FAM120A: variants seen among roughly 807,000 people sequenced by gnomAD.
The protein encoded by FAM120A is constitutive coactivator of PPAR-gamma-like protein 1.
Under a neutral mutation model 109.7 loss-of-function variants are expected in FAM120A, and 15 were observed. The ratio of observed to expected loss-of-function variants is 0.14; its 90% confidence interval spans 0.09 to 0.21. FAM120A has a LOEUF of 0.21. Ranked by LOEUF, FAM120A falls within the 10% of genes least tolerant of loss-of-function variation. The probability of loss-of-function intolerance (pLI) is 1.00; values close to 1 mark genes in which losing one functional copy is unlikely to be tolerated. For synonymous variants in FAM120A, 493 were observed against 572.8 expected (o/e 0.86, Z 1.99); for missense variants, 899 against 1,439.3 (o/e 0.62, Z 6.07).
At chr9:93,556,921 A>G (rs1361170735) in intron 13 of FAM120A, among the ~76,000 whole-genome samples, 1 of 152,202 alleles carries the variant, frequency 6.6e-6, no homozygotes, top group Admixed American at 6.5e-5. Flanking sequence ...ACCAATCAGT[A>G]TATAATCTTA....
At chr9:93,499,224 A>G (rs1859698195) in intron 5 of FAM120A, among the ~76,000 whole-genome samples, 1 of 151,750 alleles carries the variant, frequency 6.6e-6, no homozygotes, top group Non-Finnish European at 1.5e-5. Context: ...CACAACTGCA[A>G]GTGATTTCAT....
At chr9:93,471,015 T>G in intron 1 of FAM120A, 126 bp from the exon 2 acceptor site, 1 of 1,140,200 alleles carries the variant, frequency 8.8e-7, no homozygotes, top group Non-Finnish European at 1.3e-6. Context: ...TTTTTTTGAC[T>G]GTTTGGCTTT....
rs1213898725 is a variant in FAM120A at position 93,452,453 on chromosome 9, A to G, written c.474+64A>G. The stretch of plus-strand genomic sequence containing the variant: ...GCGCCGCACCCCTATCCCCCTTCCC[A>G]GGGCGCAGAATGTCGCCCGGCCGTG... On this transcript the variant is annotated intron_variant, in intron 1 of 17. Coordinates refer to ENST00000277165, the MANE Select transcript of FAM120A (RefSeq NM_014612.5). This position sits in a 1 kb window ranked among gnomAD's most constrained non-coding sequence, Gnocchi z 7.0. The G allele has an allele frequency of 4.5e-6, 7 of 1,554,038 alleles. No homozygotes were observed. Among genetic ancestry groups the G allele is most frequent in the Non-Finnish European group, 6.1e-6 (7 of 1,152,412 alleles).
chr9:93,552,126 C>T (rs1862123376), intron 12 of FAM120A, among the ~76,000 whole-genome samples: 1 of 152,202 alleles, frequency 6.6e-6, no homozygotes, highest in South Asian at 2.1e-4. Flanking sequence ...TCAGTATTGA[C>T]ATCCCAGTTC....
intron 5 of FAM120A, among the ~76,000 whole-genome samples, chr9:93,511,783 A>G (rs1860333543): frequency 6.6e-6 from 1 of 152,132 alleles, no homozygotes; most frequent in Non-Finnish European, 1.5e-5. Context: ...AAATCATACA[A>G]TGTCTGCCTG....
At position 93,498,730 on chromosome 9, in the gene FAM120A, T is replaced by C; in HGVS notation, c.934-60T>C. The C allele has an allele frequency of 2.1e-6, 2 of 940,902 alleles. No individual in the cohort carries two copies. The highest frequency in any genetic ancestry group is 3.5e-6 in the Non-Finnish European group (2 of 570,864). The allele number at this position is 940,902 out of a possible 1,614,324, so 58.3% of individuals were successfully genotyped here. On this transcript the variant is annotated intron_variant, in intron 4 of 17. Coordinates refer to ENST00000277165, the MANE Select transcript of FAM120A (RefSeq NM_014612.5). The surrounding 1 kb of genome is among the most constrained non-coding windows in gnomAD (Gnocchi z 4.4). ...TACATGTGCTGAATTATAAAAAACA[T>C]TGTGATACACATGACCAGTGGCACA...
At chr9:93,503,185 G>A (rs1440581344) in intron 5 of FAM120A, among the ~76,000 whole-genome samples, 2 of 152,196 alleles carry the variant, frequency 1.3e-5, no homozygotes, top group African/African-American at 4.8e-5. Context: ...AGCGACTTTG[G>A]AAGACAGCTT....
At chr9:93,544,874 C>T (rs1245795277) in intron 11 of FAM120A, among the ~76,000 whole-genome samples, 2 of 152,158 alleles carry the variant, frequency 1.3e-5, no homozygotes, top group African/African-American at 4.8e-5. Context: ...ACTGTGGCTT[C>T]TCCGTGTGGT....
chr9:93,471,461 C>T (rs1858310718), intron 2 of FAM120A, 74 bp downstream of exon 2: 1 of 1,562,426 alleles, frequency 6.4e-7, no homozygotes, highest in Non-Finnish European at 8.7e-7. Context: ...TTAAGTGTTT[C>T]TGTGCTTGAA....
At chr9:93,529,747 A>C in intron 9 of FAM120A, 167 bp downstream of exon 9, 1 of 672,998 alleles carries the variant, frequency 1.5e-6, no homozygotes, top group South Asian at 1.7e-5. Context: ...ATGAACATTT[A>C]TAACTGTAAA....
intron 1 of FAM120A, among the ~76,000 whole-genome samples, chr9:93,455,524 A>T (rs73518032): frequency 7.9e-5 from 12 of 152,346 alleles, no homozygotes; most frequent in African/African-American, 2.9e-4. Flanking sequence ...ACCACTGGCA[A>T]AGGAATTGAC....
intron 5 of FAM120A, among the ~76,000 whole-genome samples, chr9:93,507,406 A>AG (rs1397400811): frequency 5.3e-5 from 8 of 152,110 alleles, no homozygotes; most frequent in African/African-American, 1.9e-4. Flanking sequence ...GCAGATTTGG[A>AG]GGATGGTTTT....
chr9:93,492,976 A>G (rs1859396604), intron 3 of FAM120A, among the ~76,000 whole-genome samples: 1 of 152,178 alleles, frequency 6.6e-6, no homozygotes, highest in African/African-American at 2.4e-5. Context: ...CATGGGCTGC[A>G]CATGCCCCTG....
chr9:93,520,909 CTCTTCTTT>C (rs1463750360), intron 7 of FAM120A, among the ~76,000 whole-genome samples: 1 of 152,238 alleles, frequency 6.6e-6, no homozygotes, highest in Non-Finnish European at 1.5e-5. Flanking sequence ...TGAACTTTAT[CTCTTCTTT>C]TCGTTGTATT....
chr9:93,550,661 C>T lies in FAM120A; in HGVS notation c.2244C>T (p.Leu748=). 1 of 1,613,944 alleles carries T rather than the reference C, an allele frequency of 6.2e-7. No homozygotes were observed. The highest frequency in any genetic ancestry group is 8.5e-7 in the Non-Finnish European group (1 of 1,180,012). Reference sequence around the variant, plus strand: ...TGGCTCAGGCGCTGTCCCCCAAACTCTACGAGCCTGATCAGCTCCAGGAGC... The same window carrying T: ...TGGCTCAGGCGCTGTCCCCCAAACTTTACGAGCCTGATCAGCTCCAGGAGC... ...AFLAQALSPK[L]YEPDQLQELK... Residue 748 remains leucine (L), a synonymous_variant, in exon 12 of 18, where the codon CTC becomes CTT. Transcript: ENST00000277165.
intron 5 of FAM120A, among the ~76,000 whole-genome samples, chr9:93,505,829 T>G (rs191645018): frequency 6.6e-6 from 1 of 152,358 alleles, no homozygotes; most frequent in Non-Finnish European, 1.5e-5. Flanking sequence ...GATAAACACT[T>G]TGTCTTCTAA....
intron 3 of FAM120A, among the ~76,000 whole-genome samples, chr9:93,493,162 C>A (rs1859407629): frequency 6.6e-6 from 1 of 152,194 alleles, no homozygotes; most frequent in Admixed American, 6.5e-5. Context: ...ATGTCCACCT[C>A]CCTAAATTAA....
rs1861384070 is a variant in FAM120A, at chr9:93,532,910, G to A, written c.1909+581G>A. Among the ~76,000 whole-genome samples, 1 of 152,224 alleles carries A rather than the reference G, an allele frequency of 6.6e-6. No homozygotes were observed. Among genetic ancestry groups the A allele is most frequent in the African/African-American group, 2.4e-5 (1 of 41,456 alleles). On this transcript the variant is annotated intron_variant, in intron 10 of 17. Transcript: ENST00000277165. The surrounding 1 kb of genome is among the most constrained non-coding windows in gnomAD (Gnocchi z 4.3). ...TCAACTCTGGGAGTGGGGGGTGCAGGTGGAAACACTGAAAAGGATTGTTTG... is the reference window on the plus strand; with the variant it reads ...TCAACTCTGGGAGTGGGGGGTGCAGATGGAAACACTGAAAAGGATTGTTTG...
chr9:93,545,594 A>G (rs1231857324), intron 11 of FAM120A, among the ~76,000 whole-genome samples: 1 of 151,940 alleles, frequency 6.6e-6, no homozygotes, highest in East Asian at 1.9e-4. Flanking sequence ...GGTCCCAACT[A>G]CCTGACTTTA....
Sources: gnomAD v4.1 joint callset for allele counts (sites outside exome capture counted in the v4.1 genomes callset) on GRCh38, gnomAD v4.1.1 for gene constraint, Gnocchi (gnomAD v3.1) non-coding constraint, MANE v1.5 for transcripts, NCBI Gene and HGNC (gene_info 2026-07-23, HGNC 2026-07-21) for gene names.